Variants in SYT17 observed in about 807,000 individuals in gnomAD.
SYT17 encodes the protein synaptotagmin-17.
SYT17 carries 22 observed loss-of-function variants against 46.7 expected under a neutral mutation model. That is an observed-to-expected ratio of 0.47 (90% confidence interval 0.34 to 0.67). The LOEUF (loss-of-function observed/expected upper bound fraction) is 0.67. Ranked by LOEUF, SYT17 falls within the 30% of genes least tolerant of loss-of-function variation. The pLI is 0.01. For missense variants in SYT17, 519 were observed against 612.8 expected (o/e 0.85, Z 1.62); for synonymous variants, 251 against 248.4 (o/e 1.01, Z -0.10).
At chr16:19,211,444 G>A (rs1428825915) in intron 5 of SYT17, 1 of 703,792 alleles carries the variant, frequency 1.4e-6, no homozygotes, top group Admixed American at 2.0e-5. Context: ...TGCCTTTATG[G>A]AGAAAAAGGT....
At chr16:19,230,556 T>C (rs1227374879) in intron 7 of SYT17, among the ~76,000 whole-genome samples, 2 of 152,156 alleles carry the variant, frequency 1.3e-5, no homozygotes, top group African/African-American at 4.8e-5. Context: ...AATAAGTAAA[T>C]GAAGCTTCAG....
chr16:19,216,192 C>G (rs766676104), intron 5 of SYT17, among the ~76,000 whole-genome samples: 3 of 152,014 alleles, frequency 2.0e-5, no homozygotes, highest in African/African-American at 7.2e-5. Context: ...TCATTCTGTT[C>G]CATCTGTATG....
Position 19,173,445 on chromosome 16 carries a change from A to C in SYT17, c.49A>C (p.Ile17Leu). 2 of 1,595,010 alleles carry C rather than the reference A, an allele frequency of 1.3e-6. No homozygotes were observed. The highest frequency in any genetic ancestry group is 8.5e-7 in the Non-Finnish European group (1 of 1,171,866). Reference protein sequence around the residue: ...EPLNEGFLSRISGLLLCRWTC... With the variant: ...EPLNEGFLSRLSGLLLCRWTC... ...ATGGCCTCAGGGTTTTCTTTCTAGA[A>C]TCTCTGGTCTGCTGCTGTGCAGATG... The change falls in exon 3 of 8, where the codon ATC becomes CTC. Residue 17 changes from isoleucine (I) to leucine (L), a missense_variant. Coordinates refer to ENST00000355377, the MANE Select transcript of SYT17 (RefSeq NM_016524.4).
chr16:19,251,055 A>G (rs567895660), intron 7 of SYT17, among the ~76,000 whole-genome samples: 6 of 152,294 alleles, frequency 3.9e-5, no homozygotes, highest in Admixed American at 3.9e-4. Context: ...TGAGGATAAT[A>G]GTGTTTCAGA....
At chr16:19,237,599 C>T (rs1031175114) in intron 7 of SYT17, among the ~76,000 whole-genome samples, 13 of 152,192 alleles carry the variant, frequency 8.5e-5, no homozygotes, top group African/African-American at 3.1e-4. Context: ...TGTAATTAAA[C>T]GTAGGTATAA....
chr16:19,210,409 A>C (rs1434153740), intron 5 of SYT17, among the ~76,000 whole-genome samples: 1 of 151,552 alleles, frequency 6.6e-6, no homozygotes, highest in African/African-American at 2.4e-5. Context: ...GTATGTTTGT[A>C]CCCTTTAACC....
At chr16:19,214,425 C>T (rs1197951908) in intron 5 of SYT17, among the ~76,000 whole-genome samples, 1 of 151,560 alleles carries the variant, frequency 6.6e-6, no homozygotes, top group East Asian at 2.0e-4. Flanking sequence ...GCTCCGAACT[C>T]CTGGGCTCAA....
intron 5 of SYT17, among the ~76,000 whole-genome samples, chr16:19,220,150 C>T (rs1457328193): frequency 1.3e-5 from 2 of 151,888 alleles, no homozygotes; most frequent in Admixed American, 1.3e-4. Context: ...TACTTGGATA[C>T]CCAGGGCAGG....
At position 19,168,299 on chromosome 16, in the gene SYT17, C is replaced by G. The variant is rs914648864; in HGVS notation, c.-348C>G. ...GCTGGGGTCGCTGCAGTCCCCGCAGCTGCCCCGGGCTGCTTGCCCAGGCGC... is the reference window on the plus strand; with the variant it reads ...GCTGGGGTCGCTGCAGTCCCCGCAGGTGCCCCGGGCTGCTTGCCCAGGCGC... On this transcript the variant is annotated 5_prime_UTR_variant, in exon 1 of 8. Coordinates refer to ENST00000355377, the MANE Select transcript of SYT17 (RefSeq NM_016524.4). This position sits in a 1 kb window ranked among gnomAD's most constrained non-coding sequence, Gnocchi z 6.9. The G allele has an allele frequency of 3.3e-5, 11 of 332,220 alleles. No individual in the cohort carries two copies. The East Asian group carries it at 7.3e-4, about 22-fold the overall frequency. The allele number at this position is 332,220 out of a possible 1,614,324, so 20.6% of individuals were successfully genotyped here.
rs71375627 is a variant in SYT17, at chr16:19,249,275, AAAAT to A, written c.1229-17574_1229-17571del. 7.0e-3 allele frequency among the ~76,000 whole-genome samples: 1,021 copies of A among 145,334 alleles called. 16 individuals carry two copies. The highest frequency in any genetic ancestry group is 0.017 in the African/African-American group (663 of 39,874). The stretch of plus-strand genomic sequence containing the variant: ...GGCGACAGAGCGAGACGCCGTCTCA[AAAAT>A]AAATAAATAAATAAATAAATAAATA... On this transcript the variant is annotated intron_variant, in intron 7 of 7. Coordinates refer to ENST00000355377, the MANE Select transcript of SYT17 (RefSeq NM_016524.4).
In SYT17 at chr16:19,183,704, G is replaced by T. The variant is rs767243867; in HGVS notation, c.508G>T (p.Asp170Tyr). 5 of 1,614,156 alleles carry T rather than the reference G, an allele frequency of 3.1e-6. No homozygotes were observed. The highest frequency in any genetic ancestry group is 1.1e-5 in the South Asian group (1 of 91,078). ...HLYSLDSNSD[D>Y]VDSLTDEEIL... ...GTACTCCCTCGACTCCAACAGCGAC[G>T]ATGTGGACTCTCTGACAGACGAGGA... The change falls in exon 5 of 8, where the codon GAT becomes TAT. Residue 170 changes from aspartate to tyrosine, a missense_variant. Asp to Tyr is a radical substitution (Grantham distance 160). Coordinates refer to ENST00000355377, the MANE Select transcript of SYT17 (RefSeq NM_016524.4). The surrounding 1 kb of genome is among the most constrained non-coding windows in gnomAD (Gnocchi z 5.6).
chr16:19,213,272 T>C (rs966282385), intron 5 of SYT17, among the ~76,000 whole-genome samples: 1 of 152,240 alleles, frequency 6.6e-6, no homozygotes, highest in Non-Finnish European at 1.5e-5. Context: ...TCCCTGCTAC[T>C]GTGTCCTGCC....
rs551395445 is a variant in SYT17, at chr16:19,250,925, A to G, written c.1229-15955A>G. 2.0e-5 allele frequency among the ~76,000 whole-genome samples: 3 copies of G among 152,178 alleles called. No individual in the cohort carries two copies. The East Asian group carries it at 5.8e-4, about 29-fold the overall frequency. The stretch of plus-strand genomic sequence containing the variant: ...CCATCATCCTGACCTTTCCTGCCAT[A>G]TATTCATTTTGCCTCTTTTTGACCT... On this transcript the variant is annotated intron_variant, in intron 7 of 7. Coordinates refer to ENST00000355377, the MANE Select transcript of SYT17 (RefSeq NM_016524.4).
chr16:19,245,842 G>A (rs915437822), intron 7 of SYT17, among the ~76,000 whole-genome samples: 1 of 152,170 alleles, frequency 6.6e-6, no homozygotes. Flanking sequence ...ATGCGGTGAC[G>A]TGAAGGGGTT....
rs1555455545 is a variant in SYT17, at chr16:19,175,667, A to AG, written c.182+2091dup. Among the ~76,000 whole-genome samples, 118 of 147,148 alleles carry AG rather than the reference A, an allele frequency of 8.0e-4. 2 individuals are homozygous for AG. Among genetic ancestry groups the AG allele is most frequent in the Middle Eastern group, 3.5e-3 (1 of 282 alleles). ...CTTCAAAAAAAAAAAAAAAAAAAAA[A>AG]GGATTCTACTGGTCTATGTAGCAGA... On this transcript the variant is annotated intron_variant, in intron 3 of 7. Coordinates refer to ENST00000355377, the MANE Select transcript of SYT17 (RefSeq NM_016524.4).
rs1969437986 is a variant in SYT17, at chr16:19,267,337, C to T, written c.*261C>T. The T allele has an allele frequency of 5.6e-6, 2 of 357,686 alleles. No homozygotes were observed. Among genetic ancestry groups the T allele is most frequent in the Admixed American group, 4.4e-5 (1 of 22,654 alleles). 22.2% of individuals were successfully genotyped at this position (357,686 alleles called of 1,614,324 possible). A position where few individuals can be genotyped will look rare whatever the true frequency, so the allele number is the denominator to read the frequency against. On this transcript the variant is annotated 3_prime_UTR_variant, in exon 8 of 8. Coordinates refer to ENST00000355377, the MANE Select transcript of SYT17 (RefSeq NM_016524.4). The stretch of plus-strand genomic sequence containing the variant: ...ATCCATAGATCACAAGCTCAGTGGG[C>T]TCTGCCGTGGGACTTATTGGCAGTG...
At chr16:19,186,311 T>C (rs1447787884) in intron 5 of SYT17, among the ~76,000 whole-genome samples, 1 of 137,232 alleles carries the variant, frequency 7.3e-6, no homozygotes, top group Non-Finnish European at 1.6e-5. Context: ...ACCCTATTTC[T>C]ACAAAACATT....
rs572028180 is a variant in SYT17, at chr16:19,180,779, G to T, written c.331+240G>T. ...TTGATTTTTGCTTTATTAATTTTAA[G>T]TTTGATTGAATTGGCTGAATTGATT... On this transcript the variant is annotated intron_variant, in intron 4 of 7. Coordinates refer to ENST00000355377, the MANE Select transcript of SYT17 (RefSeq NM_016524.4). Among the ~76,000 whole-genome samples, 41 of 152,296 alleles carry T rather than the reference G, an allele frequency of 2.7e-4. No individual in the cohort carries two copies. In the Middle Eastern group the frequency reaches 0.014, roughly 51 times the overall value.
At chr16:19,192,376 G>A (rs762806017) in intron 5 of SYT17, among the ~76,000 whole-genome samples, 16 of 151,928 alleles carry the variant, frequency 1.1e-4, no homozygotes, top group Admixed American at 5.2e-4. Flanking sequence ...AGCCAAGATC[G>A]CACCACTGCA....
Sources: gnomAD v4.1 joint callset for allele counts (sites outside exome capture counted in the v4.1 genomes callset) on GRCh38, gnomAD v4.1.1 for gene constraint, Gnocchi (gnomAD v3.1) non-coding constraint, MANE v1.5 for transcripts, NCBI Gene and HGNC (gene_info 2026-07-23, HGNC 2026-07-21) for gene names.